The following HELZ2 variants were observed in gnomAD, a reference collection of about 807,000 sequenced individuals.
HELZ2 encodes 3'-5' exoribonuclease HELZ2.
A neutral mutation model predicts 208.8 loss-of-function variants in HELZ2; 143 were observed. The ratio of observed to expected loss-of-function variants is 0.68; its 90% confidence interval spans 0.60 to 0.79. HELZ2 has a LOEUF of 0.79. Among genes scored for constraint, HELZ2 ranks in the 30% least tolerant of loss-of-function variants. HELZ2 has a pLI of 0.00. For missense variants in HELZ2, 3,690 were observed against 3,794.5 expected (o/e 0.97, Z 0.72); for synonymous variants, 1,705 against 1,693.7 (o/e 1.01, Z -0.16).
chr20:63,565,117 C>A, exon 8 of HELZ2: 2 of 1,571,218 alleles, frequency 1.3e-6, no homozygotes, highest in Non-Finnish European at 1.7e-6. Context: ...TGGGGACCTG[C>A]GATGGGTCCT....
chr20:63,561,855 C>T, exon 11 of HELZ2: 1 of 1,566,762 alleles, frequency 6.4e-7, no homozygotes, highest in Non-Finnish European at 8.7e-7. Flanking sequence ...GTTGGAGGGG[C>T]CGCAGTACAA....
At position 63,560,207 on chromosome 20, in the gene HELZ2, C is replaced by T. The variant is rs913193729; in HGVS notation, c.7621G>A (p.Ala2541Thr). 9.0e-6 allele frequency: 14 copies of T among 1,556,910 alleles called. No homozygotes were observed. The Admixed American group carries it at 9.5e-5, about 11-fold the overall frequency. Residue 2541 changes from alanine to threonine, a missense_variant, in exon 17 of 19, where the codon GCC becomes ACC. Physicochemically the swap from Ala to Thr is moderately conservative, Grantham distance 58. Coordinates refer to ENST00000467148, the Ensembl canonical transcript of HELZ2. ...GTGATGGAGGACACGGCCACCCCGG[C>T]GATGCCCTCTCGCCGAAGGGCCTTG...
At chr20:63,572,955 C>T (rs949616489), upstream of HELZ2, 2 of 153,058 alleles carry the variant, frequency 1.3e-5, no homozygotes, top group East Asian at 1.9e-4. Flanking sequence ...AGCAGGATCT[C>T]GCGGGAGCAG....
At chr20:63,558,929 G>T, downstream of HELZ2, 1 of 263,330 alleles carries the variant, frequency 3.8e-6, no homozygotes, top group Non-Finnish European at 7.3e-6. Context: ...AAAGGTCAAA[G>T]GGCAGCCTCC....
rs768766384 is a variant in HELZ2 at position 63,563,128 on chromosome 20, C to T, written c.5694G>A (p.Pro1898=). Reference sequence around the variant, plus strand: ...GTGCCACCGTCCAGAGCTGAGGGCTCGGTACCAGGAAGCCGTGCTGCAGGC... The same window carrying T: ...GTGCCACCGTCCAGAGCTGAGGGCTTGGTACCAGGAAGCCGTGCTGCAGGC... Residue 1898 remains proline (P), a synonymous_variant, in exon 8 of 19, where the codon CCG becomes CCA. Transcript: ENST00000467148. 58 of 1,595,946 alleles carry T rather than the reference C, an allele frequency of 3.6e-5. No homozygotes were observed. The African/African-American group carries it at 5.2e-4, about 14-fold the overall frequency.
At chr20:63,563,255 C>G in exon 8 of HELZ2, 1 of 1,559,516 alleles carries the variant, frequency 6.4e-7, no homozygotes, top group Non-Finnish European at 8.6e-7. Flanking sequence ...CAGCTCCCGC[C>G]GCTGGGACGC....
At chr20:63,565,993 G>A (rs748241928) in exon 8 of HELZ2, 62 of 1,598,276 alleles carry the variant, frequency 3.9e-5, no homozygotes, top group Non-Finnish European at 4.5e-5. Context: ...ACAGGCCCTC[G>A]GGGCAGACAC....
rs918278938 is a variant in HELZ2 at position 63,562,670 on chromosome 20, C to T, written c.6152G>A (p.Trp2051Ter). The T allele has an allele frequency of 5.6e-6, 9 of 1,598,066 alleles. No homozygotes were observed. Among genetic ancestry groups the T allele is most frequent in the Non-Finnish European group, 6.8e-6 (8 of 1,173,324 alleles). ...CCGGTCTGCCCGGCGCTCCTGGTCCCAGTCCTGCGTCTGCCCGTGGGCCAC... is the reference window on the plus strand; with the variant it reads ...CCGGTCTGCCCGGCGCTCCTGGTCCTAGTCCTGCGTCTGCCCGTGGGCCAC... Residue 2051 changes from tryptophan to a stop codon, truncating the protein, a stop_gained, in exon 8 of 19, where the codon TGG becomes TAG. Coordinates refer to ENST00000467148, the Ensembl canonical transcript of HELZ2. LOFTEE classifies it high-confidence loss of function.
Position 63,562,099 on chromosome 20 carries a change from G to C in HELZ2, c.6502C>G (p.Pro2168Ala), listed in dbSNP as rs1445563114. The change falls in exon 10 of 19, where the codon CCT becomes GCT. Residue 2168 changes from proline (P) to alanine (A), a missense_variant. By Grantham distance (27) the Pro-to-Ala change is conservative. Transcript: ENST00000467148. ...GGTGGGCCCTGAATGACCGTGAAAG[G>C]CTTCTCCAGAGCCTCCCTGACCGCC... 4.3e-6 allele frequency: 7 copies of C among 1,612,448 alleles called. No homozygotes were observed. Among genetic ancestry groups the C allele is most frequent in the South Asian group, 1.1e-5 (1 of 90,992 alleles).
At chr20:63,570,658 C>T (rs1425079360) in intron 2 of HELZ2, 27 bp downstream of exon 3, 1 of 1,576,012 alleles carries the variant, frequency 6.3e-7, no homozygotes, top group Non-Finnish European at 8.7e-7. Flanking sequence ...CCCCACCCCA[C>T]CCCACCCACT....
Position 63,565,959 on chromosome 20 carries a change from CA to C in HELZ2, c.2862del (p.Val955TrpfsTer27). 6.3e-7 allele frequency: 1 copy of C among 1,599,168 alleles called. No homozygotes were observed. The highest frequency in any genetic ancestry group is 8.5e-7 in the Non-Finnish European group (1 of 1,179,538). On this transcript the variant is annotated frameshift_variant, in exon 8 of 19. Coordinates refer to ENST00000467148, the Ensembl canonical transcript of HELZ2. LOFTEE classifies it high-confidence loss of function. ...GGAGGCCAGCGCCGTCTCTGCGCCA[CA>C]CCCTGCTCGACCTGCTCCATGGACA... is the stretch of plus-strand genomic sequence containing the variant.
upstream of HELZ2, among the ~76,000 whole-genome samples, chr20:63,573,583 C>T (rs772581639): frequency 4.5e-4 from 69 of 152,210 alleles, no homozygotes; most frequent in Non-Finnish European, 8.2e-4. This position sits in a 1 kb window ranked among gnomAD's most constrained non-coding sequence, Gnocchi z 4.9. Flanking sequence ...CCCCTCTGCC[C>T]CAGCCAGGGG....
In HELZ2 at chr20:63,565,623, C is replaced by A; in HGVS notation, c.3199G>T (p.Glu1067Ter). ...AGGATGGCGTCGTCAGCGTTGAGCT[C>A]CCCGTCCCACGGCCAGAAGTCAGCC... Residue 1067 changes from glutamate (E) to a stop codon, truncating the protein, a stop_gained, in exon 8 of 19, where the codon GAG (glutamate) becomes TAG (stop). Coordinates refer to ENST00000467148, the Ensembl canonical transcript of HELZ2. LOFTEE classifies it high-confidence loss of function. The A allele has an allele frequency of 6.2e-7, 1 of 1,610,702 alleles. No homozygotes were observed. The highest frequency in any genetic ancestry group is 8.5e-7 in the Non-Finnish European group (1 of 1,179,828).
exon 8 of HELZ2, chr20:63,563,140 G>A (rs367546476): frequency 6.3e-6 from 10 of 1,595,224 alleles, no homozygotes; most frequent in African/African-American, 4.0e-5. Flanking sequence ...GTACCAGGAA[G>A]CCGTGCTGCA....
upstream of HELZ2, among the ~76,000 whole-genome samples, chr20:63,573,791 C>A (rs1011988211): frequency 6.6e-6 from 1 of 152,128 alleles, no homozygotes; most frequent in East Asian, 1.9e-4. This position sits in a 1 kb window ranked among gnomAD's most constrained non-coding sequence, Gnocchi z 4.9. Context: ...CCCACCGCAG[C>A]TGGGATGCTA....
chr20:63,565,222 G>A (rs747670456), exon 8 of HELZ2: 19 of 1,608,118 alleles, frequency 1.2e-5, no homozygotes, highest in Admixed American at 1.7e-5. Flanking sequence ...ACGCCAGCTC[G>A]TGCCTCTTCC....
chr20:63,566,934 G>A (rs145898917), exon 6 of HELZ2: 13 of 1,610,460 alleles, frequency 8.1e-6, no homozygotes, highest in African/African-American at 5.3e-5. Context: ...GCACCTTCTC[G>A]ACGACCTGCG....
chr20:63,568,295 C>T (rs1396252483), intron 5 of HELZ2, 63 bp downstream of exon 6: 8 of 1,279,168 alleles, frequency 6.3e-6, no homozygotes, highest in Non-Finnish European at 9.0e-6. Flanking sequence ...GGGTGACCGC[C>T]TGCCCGGTGT....
At chr20:63,558,580 C>T (rs1368885809), downstream of HELZ2, 2 of 152,238 alleles carry the variant, frequency 1.3e-5, no homozygotes, top group Admixed American at 1.3e-4. Flanking sequence ...GCTCTGTCAC[C>T]CAGGCTGGAG....
Sources: gnomAD v4.1 joint callset for allele counts (sites outside exome capture counted in the v4.1 genomes callset) on GRCh38, gnomAD v4.1.1 for gene constraint, Gnocchi (gnomAD v3.1) non-coding constraint, MANE v1.5 for transcripts, NCBI Gene and HGNC (gene_info 2026-07-23, HGNC 2026-07-21) for gene names.